The following PDXDC1 variants were observed in gnomAD, a reference collection of about 807,000 sequenced individuals.
PDXDC1 encodes the protein pyridoxal-dependent decarboxylase domain-containing protein 1.
PDXDC1 carries 42 observed loss-of-function variants against 100.1 expected under a neutral mutation model. The observed-to-expected ratio is 0.42, with a 90% CI of 0.33 to 0.54. The LOEUF is 0.54. PDXDC1 is among the 20% of genes least tolerant of loss of function. The pLI is 0.10. For synonymous variants in PDXDC1, 260 were observed against 371.7 expected (o/e 0.70, Z 3.46); for missense variants, 636 against 979.2 (o/e 0.65, Z 4.68).
At chr16:15,024,310 T>C (rs1373427075) in intron 13 of PDXDC1, among the ~76,000 whole-genome samples, 4 of 152,262 alleles carry the variant, frequency 2.6e-5, no homozygotes, top group South Asian at 2.1e-4. Context: ...CTAAGTACCT[T>C]ACATGAATTA....
rs991688406 is a variant in PDXDC1 at position 15,119,471 on chromosome 16, T to G, written c.1400-19408T>G. The stretch of plus-strand genomic sequence containing the variant: ...CTCCACTCAGTCGCCCAGGCTGGAG[T>G]GCAGTGGTGCAATCTCGGCTCGCTG... On this transcript the variant is annotated intron_variant, in intron 16 of 16. Coordinates refer to the PDXDC1 transcript ENST00000535621. Among the ~76,000 whole-genome samples the G allele has an allele frequency of 1.6e-4, 24 of 148,212 alleles. No homozygotes were observed. The East Asian group carries it at 4.0e-3, about 25-fold the overall frequency.
chr16:15,111,717 C>T (rs1321873375), intron 16 of PDXDC1, among the ~76,000 whole-genome samples: 1 of 123,610 alleles, frequency 8.1e-6, no homozygotes, highest in African/African-American at 2.9e-5. Context: ...AAGATCCCAC[C>T]ACTGCACTCC....
At chr16:15,038,593 T>C, downstream of PDXDC1, 1 of 1,595,724 alleles carries the variant, frequency 6.3e-7, no homozygotes. Context: ...TTGCTTGTCA[T>C]CTTGGTGCAA....
intron 1 of PDXDC1, among the ~76,000 whole-genome samples, chr16:14,993,978 T>G (rs1971438077): frequency 1.3e-5 from 2 of 152,420 alleles, no homozygotes; most frequent in South Asian, 4.1e-4. Flanking sequence ...TCGCCCACTT[T>G]TTGATGGGGT....
At chr16:15,035,697 G>A (rs2043386110) in intron 22 of PDXDC1, 144 bp downstream of exon 22, 6 of 598,654 alleles carry the variant, frequency 1.0e-5, no homozygotes, top group South Asian at 2.1e-5. Flanking sequence ...CTTGGTAGCC[G>A]TGGGATTCAG....
chr16:15,092,528 A>G (rs1376896157), intron 16 of PDXDC1: 17 of 1,612,350 alleles, frequency 1.1e-5, no homozygotes, highest in Non-Finnish European at 1.4e-5. Flanking sequence ...CTTCAGCAAG[A>G]CTTCTGTCAC....
intron 14 of PDXDC1, among the ~76,000 whole-genome samples, 187 bp downstream of exon 14, chr16:15,026,893 C>T (rs1297708693): frequency 7.2e-5 from 11 of 152,284 alleles, no homozygotes; most frequent in African/African-American, 1.4e-4. Context: ...TGATAGTTTG[C>T]GGTGATTAAA....
downstream of PDXDC1, among the ~76,000 whole-genome samples, chr16:15,039,608 G>C (rs182699068): frequency 2.6e-5 from 4 of 152,288 alleles, no homozygotes; most frequent in East Asian, 7.7e-4. Context: ...AGAATGCATA[G>C]TCCTGAGTGC....
chr16:15,085,525 C>A, intron 16 of PDXDC1: 2 of 1,467,504 alleles, frequency 1.4e-6, no homozygotes, highest in South Asian at 2.4e-5. Context: ...ACTATGTTGC[C>A]CAGGCTGGTC....
intron 16 of PDXDC1, among the ~76,000 whole-genome samples, chr16:15,056,542 G>A (rs753136563): frequency 3.3e-5 from 5 of 152,176 alleles, no homozygotes; most frequent in Non-Finnish European, 5.9e-5. Flanking sequence ...TTGGGGGGCC[G>A]AGGCAGGAGG....
chr16:14,989,391 C>A (rs1970172454), intron 1 of PDXDC1: 1 of 1,610,092 alleles, frequency 6.2e-7, no homozygotes, highest in Non-Finnish European at 8.5e-7. Context: ...GTGCACCAAC[C>A]CAGTGGGCGT....
At chr16:15,141,909 G>A (rs2048481455), downstream of PDXDC1, among the ~76,000 whole-genome samples, 1 of 152,194 alleles carries the variant, frequency 6.6e-6, no homozygotes, top group Admixed American at 6.5e-5. Flanking sequence ...GGACTTTTCA[G>A]CGGCTGCGGC....
chr16:15,129,952 G>T (rs2047959819), intron 16 of PDXDC1: 1 of 1,431,946 alleles, frequency 7.0e-7, no homozygotes, highest in Non-Finnish European at 9.8e-7. Flanking sequence ...CACAGAAGGG[G>T]ATGGCGCGGC....
chr16:15,021,364 G>A (rs570611680), intron 12 of PDXDC1, among the ~76,000 whole-genome samples: 13 of 152,260 alleles, frequency 8.5e-5, no homozygotes, highest in African/African-American at 2.4e-4. Context: ...CAGCCTGGGC[G>A]ACAGAGTAGG....
chr16:15,035,875 TCTC>T (rs2043407661), intron 22 of PDXDC1, 138 bp from the exon 23 acceptor site: 1 of 900,204 alleles, frequency 1.1e-6, no homozygotes, highest in Non-Finnish European at 1.7e-6. Flanking sequence ...GGTTTTCTCA[TCTC>T]CTAAAACACC....
At chr16:14,994,086 G>C (rs1269475554) in intron 1 of PDXDC1, among the ~76,000 whole-genome samples, 1 of 152,292 alleles carries the variant, frequency 6.6e-6, no homozygotes, top group African/African-American at 2.4e-5. Context: ...CCATTCTGTA[G>C]ATTGCCTGTT....
At chr16:15,047,285 G>A (rs555107612) in intron 16 of PDXDC1, 7 of 623,532 alleles carry the variant, frequency 1.1e-5, no homozygotes, top group Admixed American at 5.2e-5. Context: ...AACCACTGCT[G>A]ACGCAGTGCC....
At chr16:15,128,231 G>A (rs1434062147) in intron 16 of PDXDC1, 3 of 1,611,152 alleles carry the variant, frequency 1.9e-6, no homozygotes, top group African/African-American at 1.3e-5. Flanking sequence ...CCTTTGTCGT[G>A]CCACACTCGG....
intron 16 of PDXDC1, chr16:15,048,118 AAT>A: frequency 1.3e-6 from 2 of 1,502,910 alleles, no homozygotes; most frequent in Non-Finnish European, 1.8e-6. Context: ...TTAAAAAAAA[AAT>A]AAAATAGTGA....
Sources: gnomAD v4.1 joint callset for allele counts (sites outside exome capture counted in the v4.1 genomes callset) on GRCh38, gnomAD v4.1.1 for gene constraint, MANE v1.5 for transcripts, NCBI Gene and HGNC (gene_info 2026-07-23, HGNC 2026-07-21) for gene names.